NAV1: variants seen among roughly 807,000 people sequenced by gnomAD.
NAV1 encodes the protein neuron navigator 1.
A neutral mutation model predicts 175.2 loss-of-function variants in NAV1; 18 were observed. The ratio of observed to expected loss-of-function variants is 0.10; its 90% CI spans 0.07 to 0.15. NAV1 has a LOEUF of 0.15. Among genes scored for constraint, NAV1 ranks in the 10% least tolerant of loss-of-function variants. NAV1 has a pLI of 1.00. For synonymous variants in NAV1, 897 were observed against 978.7 expected (o/e 0.92, Z 1.56); for missense variants, 1,731 against 2,436.6 (o/e 0.71, Z 6.10).
chr1:201,744,242 T>C (rs1673619166), intron 3 of NAV1, among the ~76,000 whole-genome samples: 1 of 152,234 alleles, frequency 6.6e-6, no homozygotes, highest in African/African-American at 2.4e-5. Context: ...CTGACAACTT[T>C]GTGCCAGCCA....
intron 1 of NAV1, among the ~76,000 whole-genome samples, chr1:201,559,162 T>A (rs1430104883): frequency 6.6e-6 from 1 of 152,198 alleles, no homozygotes; most frequent in East Asian, 1.9e-4. Context: ...AAAGGGGTTG[T>A]TGATAGCTCT....
intron 2 of NAV1, among the ~76,000 whole-genome samples, chr1:201,632,417 T>A (rs1668503299): frequency 6.6e-6 from 1 of 152,246 alleles, no homozygotes; most frequent in African/African-American, 2.4e-5. Context: ...CATCTGATTC[T>A]GTTGGTGACA....
At chr1:201,550,149 A>G (rs1665812041) in intron 1 of NAV1, among the ~76,000 whole-genome samples, 2 of 151,956 alleles carry the variant, frequency 1.3e-5, no homozygotes, top group Non-Finnish European at 2.9e-5. Context: ...ATTTGTTGTA[A>G]TTTAAAAAAA....
chr1:201,579,744 A>G (rs988202779), intron 1 of NAV1, among the ~76,000 whole-genome samples: 101 of 152,300 alleles, frequency 6.6e-4, no homozygotes, highest in African/African-American at 2.3e-3. Flanking sequence ...AAGTACAACT[A>G]TTGGGAGGAA....
chr1:201,592,058 C>A (rs142838907), intron 2 of NAV1, among the ~76,000 whole-genome samples: 1 of 152,262 alleles, frequency 6.6e-6, no homozygotes, highest in African/African-American at 2.4e-5. Context: ...GCAGAGGTGT[C>A]TTCTCTCCCT....
At chr1:201,692,209 G>C (rs1464772224) in intron 1 of NAV1, among the ~76,000 whole-genome samples, 6 of 152,164 alleles carry the variant, frequency 3.9e-5, no homozygotes, top group Non-Finnish European at 8.8e-5. Context: ...AGAGAAGCAG[G>C]CAGGCAATTA....
At chr1:201,819,891 C>G in exon 30 of NAV1, 1 of 1,614,088 alleles carries the variant, frequency 6.2e-7, no homozygotes. Flanking sequence ...GTCTCCAGAT[C>G]GAGAAACCAT....
intron 2 of NAV1, among the ~76,000 whole-genome samples, chr1:201,604,129 C>T (rs1667602287): frequency 6.6e-6 from 1 of 152,182 alleles, no homozygotes. Flanking sequence ...GATCACTGCT[C>T]ACTGCAGCCC....
At chr1:201,604,951 C>T (rs1457801570) in intron 2 of NAV1, among the ~76,000 whole-genome samples, 2 of 152,114 alleles carry the variant, frequency 1.3e-5, no homozygotes, top group African/African-American at 2.4e-5. Flanking sequence ...TTTTTCTGCC[C>T]TGATATTTAA....
chr1:201,706,137 A>C (rs1159983332), intron 1 of NAV1, among the ~76,000 whole-genome samples: 1 of 152,200 alleles, frequency 6.6e-6, no homozygotes, highest in Admixed American at 6.5e-5. Flanking sequence ...GATCATCAAC[A>C]AATGCTGGTT....
At chr1:201,549,872 G>A (rs1270520264) in intron 1 of NAV1, among the ~76,000 whole-genome samples, 2 of 151,484 alleles carry the variant, frequency 1.3e-5, no homozygotes, top group East Asian at 4.0e-4. Context: ...TTAGCCGGGT[G>A]TGGTGGTGGG....
intron 6 of NAV1, 150 bp from the exon 11 acceptor site, chr1:201,783,256 C>T (rs1288771080): frequency 1.4e-5 from 12 of 847,464 alleles, no homozygotes; most frequent in Non-Finnish European, 2.2e-5. Context: ...ATCAGATTTC[C>T]TTGCATTGTA....
intron 3 of NAV1, among the ~76,000 whole-genome samples, chr1:201,722,629 G>A (rs1672433113): frequency 6.6e-6 from 1 of 151,192 alleles, no homozygotes; most frequent in Non-Finnish European, 1.5e-5. Flanking sequence ...AAATGGAATT[G>A]CTGTATCATA....
At chr1:201,783,767 C>G in exon 7 of NAV1, 2 of 1,614,146 alleles carry the variant, frequency 1.2e-6, no homozygotes, top group Non-Finnish European at 1.7e-6. Context: ...CGTCCCCACC[C>G]CACCTGCTCC....
rs1204487388 is a variant in NAV1, at chr1:201,694,055, G to C, written c.758-18762G>C. ...CCCCCAGTTTGGCTTCCTGGTGGGG[G>C]AGGGGACACACACAGACATCAATTC... On this transcript the variant is annotated intron_variant, in intron 1 of 29. Transcript: ENST00000367296. This position sits in a 1 kb window ranked among gnomAD's most constrained non-coding sequence, Gnocchi z 4.2. Among the ~76,000 whole-genome samples the C allele has an allele frequency of 6.6e-6, 1 of 152,184 alleles. No individual in the cohort carries two copies. The highest frequency in any genetic ancestry group is 1.9e-4 in the East Asian group (1 of 5,188).
At position 201,557,502 on chromosome 1, in the gene NAV1, C is replaced by T. The variant is rs142143801; in HGVS notation, c.-144+18160C>T. 5.0e-3 allele frequency among the ~76,000 whole-genome samples: 764 copies of T among 152,260 alleles called. 10 individuals are homozygous for T. The highest frequency in any genetic ancestry group is 0.018 in the African/African-American group (742 of 41,542). On this transcript the variant is annotated intron_variant, in intron 1 of 33. Coordinates refer to the NAV1 transcript ENST00000685211. ...GCTGCACTGTGGCCCCAGAGGTTCC[C>T]CTGGGCTAGTCTTAGAGAGAATTAA...
At chr1:201,676,298 C>A (rs1404596374) in intron 1 of NAV1, among the ~76,000 whole-genome samples, 2 of 152,182 alleles carry the variant, frequency 1.3e-5, no homozygotes, top group African/African-American at 2.4e-5. Context: ...AAGTTTGACT[C>A]CTTCCTGAAA....
intron 1 of NAV1, among the ~76,000 whole-genome samples, chr1:201,553,537 G>T (rs1172349252): frequency 6.6e-6 from 1 of 152,164 alleles, no homozygotes; most frequent in African/African-American, 2.4e-5. Context: ...TTTAATTGAG[G>T]TATAATTTAC....
intron 1 of NAV1, among the ~76,000 whole-genome samples, chr1:201,555,855 AG>A (rs1275901574): frequency 1.1e-5 from 1 of 91,974 alleles, no homozygotes; most frequent in Non-Finnish European, 2.0e-5. Flanking sequence ...GGTGCTGTGA[AG>A]GGAGATGGGG....
Sources: allele counts gnomAD v4.1 joint callset (sites outside exome capture counted in the v4.1 genomes callset), GRCh38; gene constraint gnomAD v4.1.1; non-coding constraint Gnocchi (gnomAD v3.1); transcripts MANE v1.5; gene names NCBI Gene and HGNC (gene_info 2026-07-23, HGNC 2026-07-21).